Variants in KCNK9 observed in about 807,000 individuals in gnomAD.
The protein encoded by KCNK9 is potassium channel subfamily K member 9.
KCNK9 carries 1 observed loss-of-function variant against 10.8 expected under a neutral mutation model. That is an observed-to-expected ratio of 0.09 (90% CI 0.03 to 0.44). The LOEUF is 0.44. Ranked by LOEUF, KCNK9 falls within the 20% of genes least tolerant of loss-of-function variation. KCNK9 has a pLI of 0.97. For synonymous variants in KCNK9, 231 were observed against 222.7 expected (o/e 1.04, Z -0.33); for missense variants, 303 against 515.0 (o/e 0.59, Z 3.98).
intron 1 of KCNK9, among the ~76,000 whole-genome samples, chr8:139,691,287 T>G (rs891345957): frequency 2.6e-5 from 4 of 152,238 alleles, no homozygotes; most frequent in African/African-American, 9.6e-5. Flanking sequence ...GATTTCACCG[T>G]GGATACCAGC....
intron 1 of KCNK9, among the ~76,000 whole-genome samples, chr8:139,658,933 G>A (rs2129697349): frequency 6.6e-6 from 1 of 152,372 alleles, no homozygotes; most frequent in Non-Finnish European, 1.5e-5. Context: ...GGGTACACGG[G>A]AAGGACTAAG....
chr8:139,611,611 A>C (rs1005252130), downstream of KCNK9: 1 of 152,254 alleles, frequency 6.6e-6, no homozygotes, highest in Non-Finnish European at 1.5e-5. Flanking sequence ...CACGGGGCCC[A>C]ACTTCTTCAG....
intron 1 of KCNK9, among the ~76,000 whole-genome samples, chr8:139,672,667 C>T (rs1816458332): frequency 1.3e-5 from 2 of 152,352 alleles, no homozygotes; most frequent in South Asian, 4.1e-4. Context: ...TGTCCAGACA[C>T]AGCCCCCGTG....
At chr8:139,671,430 G>T (rs529211328) in intron 1 of KCNK9, among the ~76,000 whole-genome samples, 7 of 152,196 alleles carry the variant, frequency 4.6e-5, no homozygotes, top group Admixed American at 2.0e-4. Flanking sequence ...AGCAAGAGGC[G>T]GGAGGATGAG....
intron 1 of KCNK9, among the ~76,000 whole-genome samples, chr8:139,628,366 G>A (rs995470202): frequency 1.3e-5 from 2 of 152,334 alleles, no homozygotes; most frequent in East Asian, 1.9e-4. Flanking sequence ...ACAGCGTGCC[G>A]AGGAACCCCA....
At chr8:139,615,330 CT>C (rs1814552405), downstream of KCNK9, among the ~76,000 whole-genome samples, 1 of 152,172 alleles carries the variant, frequency 6.6e-6, no homozygotes, top group South Asian at 2.1e-4. Flanking sequence ...TTCCTCCTGG[CT>C]TTGAGGATCT....
At chr8:139,668,875 C>T (rs1318954922) in intron 1 of KCNK9, among the ~76,000 whole-genome samples, 2 of 152,166 alleles carry the variant, frequency 1.3e-5, no homozygotes, top group South Asian at 2.1e-4. Context: ...GAGGCTCAAC[C>T]TTGTCACGTT....
chr8:139,631,776 G>GA (rs557612759), intron 1 of KCNK9, among the ~76,000 whole-genome samples: 2 of 152,178 alleles, frequency 1.3e-5, no homozygotes, highest in African/African-American at 2.4e-5. Context: ...TAGAAGAACT[G>GA]AAAATCAAGC....
chr8:139,656,064 C>G (rs530768463), intron 1 of KCNK9, among the ~76,000 whole-genome samples: 51 of 152,290 alleles, frequency 3.3e-4, no homozygotes, highest in African/African-American at 1.2e-3. Flanking sequence ...GACATTCAAA[C>G]AATTCAGTAC....
intron 1 of KCNK9, among the ~76,000 whole-genome samples, chr8:139,660,875 T>G (rs2129703963): frequency 6.6e-6 from 1 of 152,258 alleles, no homozygotes; most frequent in African/African-American, 2.4e-5. Flanking sequence ...AGCTAGCTGG[T>G]AGAGGACCCA....
At chr8:139,626,672 C>T (rs1181070095) in intron 1 of KCNK9, among the ~76,000 whole-genome samples, 1 of 152,226 alleles carries the variant, frequency 6.6e-6, no homozygotes, top group Non-Finnish European at 1.5e-5. Flanking sequence ...TCCCCCAGCC[C>T]ACAGTTCCCT....
Position 139,673,126 on chromosome 8 carries a change from T to C in KCNK9, c.283+29584A>G, listed in dbSNP as rs187699019. Among the ~76,000 whole-genome samples the C allele has an allele frequency of 5.3e-4, 80 of 151,928 alleles. No homozygotes were observed. The East Asian group carries it at 0.015, about 28-fold the overall frequency. On this transcript the variant is annotated intron_variant, in intron 1 of 1. Coordinates refer to ENST00000520439, the MANE Select transcript of KCNK9 (RefSeq NM_001282534.2). ...ATTGCCCCCTTAGTTGACAAATGAGTGCCCAGCGGAACTGGGCTCAAAACC... is the reference window on the plus strand; with the variant it reads ...ATTGCCCCCTTAGTTGACAAATGAGCGCCCAGCGGAACTGGGCTCAAAACC...
At chr8:139,682,263 A>T (rs745981271) in intron 1 of KCNK9, among the ~76,000 whole-genome samples, 31 of 152,152 alleles carry the variant, frequency 2.0e-4, no homozygotes, top group Non-Finnish European at 4.0e-4. Context: ...GCCTATGTTC[A>T]TTCAACAAAC....
intron 1 of KCNK9, among the ~76,000 whole-genome samples, chr8:139,682,030 C>G (rs1038890026): frequency 2.0e-5 from 3 of 152,150 alleles, no homozygotes; most frequent in African/African-American, 7.2e-5. Flanking sequence ...GGAAGAACGG[C>G]AAGTTCAGCA....
intron 2 of KCNK9, among the ~76,000 whole-genome samples, chr8:139,605,293 G>A (rs76807175): frequency 6.6e-6 from 1 of 152,232 alleles, no homozygotes. Flanking sequence ...GTTTGGTTTG[G>A]TTTGCTTTGG....
At chr8:139,687,265 C>G (rs2129780166) in intron 1 of KCNK9, among the ~76,000 whole-genome samples, 1 of 151,212 alleles carries the variant, frequency 6.6e-6, no homozygotes, top group Non-Finnish European at 1.5e-5. Flanking sequence ...AGGGGCTGGA[C>G]CATGACAGGA....
intron 1 of KCNK9, among the ~76,000 whole-genome samples, chr8:139,689,182 A>T (rs1279522466): frequency 6.6e-6 from 1 of 152,206 alleles, no homozygotes; most frequent in East Asian, 1.9e-4. Context: ...GACTTCAGGC[A>T]TGAAGAACTG....
At chr8:139,685,624 A>C (rs931312339) in intron 1 of KCNK9, among the ~76,000 whole-genome samples, 3 of 152,190 alleles carry the variant, frequency 2.0e-5, no homozygotes, top group Non-Finnish European at 4.4e-5. Flanking sequence ...ATAGTTTTTT[A>C]TGGCTGCATA....
intron 1 of KCNK9, among the ~76,000 whole-genome samples, chr8:139,642,060 A>G (rs1233486935): frequency 1.3e-5 from 2 of 152,246 alleles, no homozygotes; most frequent in African/African-American, 4.8e-5. Context: ...GGACAGATGC[A>G]TACTCATCCA....
Sources: gnomAD v4.1 joint callset for allele counts (sites outside exome capture counted in the v4.1 genomes callset) on GRCh38, gnomAD v4.1.1 for gene constraint, MANE v1.5 for transcripts, NCBI Gene and HGNC (gene_info 2026-07-23, HGNC 2026-07-21) for gene names.